The following SSH1 variants were observed in gnomAD, a reference collection of about 807,000 sequenced individuals.
SSH1 encodes the protein protein phosphatase Slingshot homolog 1.
Under a neutral mutation model 79.7 loss-of-function variants are expected in SSH1, and 43 were observed. The ratio of observed to expected loss-of-function variants is 0.54; its 90% CI spans 0.42 to 0.70. The LOEUF (loss-of-function observed/expected upper bound fraction) is 0.70. Among genes scored for constraint, SSH1 ranks in the 30% least tolerant of loss-of-function variants. SSH1 has a pLI of 0.00. For synonymous variants in SSH1, 599 were observed against 538.3 expected (o/e 1.11, Z -1.56); for missense variants, 1,206 against 1,358.8 (o/e 0.89, Z 1.77).
At position 108,840,648 on chromosome 12, in the gene SSH1, C is replaced by T. The variant is rs139454357; in HGVS notation, c.110+11990G>A. On this transcript the variant is annotated intron_variant, in intron 2 of 14. Transcript: ENST00000326495. ...AAGCAGCATGACCCATCTGGATGTCCTCCTCATCTCAGGAATTTTCTAATA... is the reference window on the plus strand; with the variant it reads ...AAGCAGCATGACCCATCTGGATGTCTTCCTCATCTCAGGAATTTTCTAATA... Among the ~76,000 whole-genome samples the T allele has an allele frequency of 7.2e-3, 1,094 of 152,312 alleles. 7 individuals are homozygous for T. The highest frequency in any genetic ancestry group is 0.011 in the Non-Finnish European group (740 of 68,034).
rs763054009 is a variant in SSH1, at chr12:108,792,841, G to C, written c.1350-12C>G. On this transcript the variant is annotated splice_polypyrimidine_tract_variant and intron_variant, in intron 13 of 14. Transcript: ENST00000326495. ...TGTGCCGCTGTTTGCTGCGGGGAGA[G>C]AGGGTAGAGGAAGGTGAGGGGAGGA... 49 of 1,612,766 alleles carry C rather than the reference G, an allele frequency of 3.0e-5. No homozygotes were observed. Among genetic ancestry groups the C allele is most frequent in the Non-Finnish European group, 4.2e-5 (49 of 1,180,026 alleles).
chr12:108,803,469 C>G (rs1309717744), intron 10 of SSH1, among the ~76,000 whole-genome samples: 1 of 140,750 alleles, frequency 7.1e-6, no homozygotes, highest in Non-Finnish European at 1.6e-5. Flanking sequence ...CTTGAAACTT[C>G]CTTTCCCAAG....
intron 2 of SSH1, among the ~76,000 whole-genome samples, chr12:108,841,810 C>A (rs1020895407): frequency 2.0e-5 from 3 of 147,398 alleles, no homozygotes; most frequent in African/African-American, 5.1e-5. Flanking sequence ...TCCATCCCCC[C>A]CCACAAAAAA....
At chr12:108,847,331 C>T (rs191459751) in intron 2 of SSH1, among the ~76,000 whole-genome samples, 2 of 152,358 alleles carry the variant, frequency 1.3e-5, no homozygotes, top group African/African-American at 4.8e-5. Context: ...GCCACCAGCA[C>T]AGGAGCCAGA....
chr12:108,788,072 CG>C lies in SSH1; in HGVS notation c.3065del (p.Pro1022ArgfsTer19). ...GTTTGGAGGTTGCAGCTGGGTCCCTCGGGGTTCCCTGGGGCTCATGCAAGAA... is the reference window on the plus strand; with the variant it reads ...GTTTGGAGGTTGCAGCTGGGTCCCTCGGGTTCCCTGGGGCTCATGCAAGAA... Reference protein sequence around the residue: ...SSFLHEPQGTPRDPAATSKPS... With the variant: ...SSFLHEPQGTXRDPAATSKPS... On this transcript the variant is annotated frameshift_variant, in exon 15 of 15. Transcript: ENST00000326495. LOFTEE classifies it low-confidence loss of function (END_TRUNC). The C allele has an allele frequency of 1.2e-6, 2 of 1,614,056 alleles. No individual in the cohort carries two copies. The highest frequency in any genetic ancestry group is 8.5e-7 in the Non-Finnish European group (1 of 1,180,010).
In SSH1 at chr12:108,779,828, T is replaced by A. The variant is rs2136923721; in HGVS notation, c.*8160A>T. 6.6e-6 allele frequency: 1 copy of A among 152,204 alleles called. No homozygotes were observed. Among genetic ancestry groups the A allele is most frequent in the East Asian group, 1.9e-4 (1 of 5,164 alleles). 9.4% of individuals were successfully genotyped at this position (152,204 alleles called of 1,614,324 possible). A position where few individuals can be genotyped will look rare whatever the true frequency, so the allele number is the denominator to read the frequency against. On this transcript the variant is annotated 3_prime_UTR_variant, in exon 15 of 15. Transcript: ENST00000326495. The stretch of plus-strand genomic sequence containing the variant: ...TAGCTGGGATTACAGGCGCCCGCCA[T>A]CATGCCCGGCTAATTTTTGTATTTT...
chr12:108,852,773 G>A, intron 1 of SSH1, 95 bp from the exon 2 acceptor site: 2 of 1,605,106 alleles, frequency 1.2e-6, no homozygotes, highest in Non-Finnish European at 1.7e-6. Context: ...ACTGGAAAAA[G>A]ATAAAGATAT....
chr12:108,815,146 A>G (rs1270655595), intron 5 of SSH1, among the ~76,000 whole-genome samples: 1 of 152,186 alleles, frequency 6.6e-6, no homozygotes, highest in Non-Finnish European at 1.5e-5. Flanking sequence ...AATGAGTGGC[A>G]TCTACTCATT....
At position 108,788,325 on chromosome 12, in the gene SSH1, C is replaced by T; in HGVS notation, c.2813G>A (p.Ser938Asn). ...MSSNLTRSSS[S>N]DSIHSVRGKP... ...CCCACGGACACTGTGGATGCTATCGCTGCTGGAGCTCCGGGTCAGGTTGGA... is the reference window on the plus strand; with the variant it reads ...CCCACGGACACTGTGGATGCTATCGTTGCTGGAGCTCCGGGTCAGGTTGGA... Residue 938 changes from serine (S) to asparagine (N), a missense_variant, in exon 15 of 15, where the codon AGC becomes AAC. Ser to Asn is a conservative substitution (Grantham distance 46). Around this residue, in one of 5 missense-constraint regions of SSH1, gnomAD observed 709 missense variants for 730.6 expected, o/e 0.97. Coordinates refer to ENST00000326495, the MANE Select transcript of SSH1 (RefSeq NM_018984.4). The T allele has an allele frequency of 6.2e-7, 1 of 1,613,322 alleles. No individual in the cohort carries two copies. The highest frequency in any genetic ancestry group is 8.5e-7 in the Non-Finnish European group (1 of 1,179,930).
In SSH1 at chr12:108,806,200, A is replaced by G. The variant is rs2037263370; in HGVS notation, c.825+101T>C. The stretch of plus-strand genomic sequence containing the variant: ...GGGGCTGATACCAGAGGACAGGTAA[A>G]GACAACCAGATGTTGGGCCTGCTTT... On this transcript the variant is annotated intron_variant, in intron 9 of 14. Transcript: ENST00000326495. 26 of 1,131,584 alleles carry G rather than the reference A, an allele frequency of 2.3e-5. No homozygotes were observed. The South Asian group carries it at 3.1e-4, about 13-fold the overall frequency. The allele number at this position is 1,131,584 out of a possible 1,614,324, so 70.1% of individuals were successfully genotyped here. A position where few individuals can be genotyped will look rare whatever the true frequency, so the allele number is the denominator to read the frequency against.
Position 108,807,763 on chromosome 12 carries a change from C to G in SSH1, c.601G>C (p.Gly201Arg). The change falls in exon 8 of 15, where the codon GGT (glycine) becomes CGT (arginine). Residue 201 changes from glycine (G) to arginine (R), a missense_variant. This residue lies in a region of SSH1 where 116 missense variants were observed against 109.0 expected (regional missense o/e 1.06). Transcript: ENST00000326495. This position sits in a 1 kb window ranked among gnomAD's most constrained non-coding sequence, Gnocchi z 5.2. Reference protein sequence around the residue: ...VARRHNYFPGGVALIWATYYE... With the variant: ...VARRHNYFPGRVALIWATYYE... ...TAGGTAGCCCAGATGAGAGCTACAC[C>G]CCCGGGGAAGTAGTTGTGCCTCCGG... The G allele has an allele frequency of 6.2e-7, 1 of 1,613,796 alleles. No homozygotes were observed. The highest frequency in any genetic ancestry group is 8.5e-7 in the Non-Finnish European group (1 of 1,179,886).
At chr12:108,809,826 G>T in intron 6 of SSH1, 68 bp from the exon 7 acceptor site, 2 of 1,376,916 alleles carry the variant, frequency 1.5e-6, no homozygotes, top group Non-Finnish European at 2.1e-6. Context: ...AAATCACTCT[G>T]GGAGGAGGGA....
chr12:108,829,570 A>G (rs1056187536), intron 2 of SSH1, among the ~76,000 whole-genome samples: 2 of 152,200 alleles, frequency 1.3e-5, no homozygotes, highest in Non-Finnish European at 2.9e-5. Context: ...AGGAATGGGT[A>G]TATGTGCTGG....
chr12:108,833,789 TATTTC>T (rs755333396), intron 2 of SSH1: 2 of 152,278 alleles, frequency 1.3e-5, no homozygotes, highest in African/African-American at 2.4e-5. Flanking sequence ...TTTGTCATTT[TATTTC>T]ATTTTAGTTA....
At chr12:108,836,531 A>G (rs887859836) in intron 2 of SSH1, among the ~76,000 whole-genome samples, 1 of 152,236 alleles carries the variant, frequency 6.6e-6, no homozygotes, top group African/African-American at 2.4e-5. Context: ...CACTGGCCCT[A>G]ACTGTCCACA....
intron 2 of SSH1, among the ~76,000 whole-genome samples, chr12:108,849,090 C>G (rs1437177946): frequency 1.3e-5 from 2 of 152,220 alleles, no homozygotes; most frequent in Non-Finnish European, 2.9e-5. Context: ...GGTCTCGCTT[C>G]AAATACAGGA....
At chr12:108,826,542 G>C (rs1347315890) in intron 2 of SSH1, 1 of 127,056 alleles carries the variant, frequency 7.9e-6, no homozygotes, top group Non-Finnish European at 1.6e-5. Flanking sequence ...CTCTCCGGGT[G>C]GGGGGTGGGG....
At chr12:108,830,405 T>C (rs933263869) in intron 2 of SSH1, among the ~76,000 whole-genome samples, 7 of 151,932 alleles carry the variant, frequency 4.6e-5, no homozygotes, top group Non-Finnish European at 7.4e-5. Context: ...TGAGTGGAGA[T>C]TGTGATCCTG....
intron 1 of SSH1, among the ~76,000 whole-genome samples, chr12:108,853,539 C>A (rs2039085738): frequency 6.6e-6 from 1 of 151,876 alleles, no homozygotes; most frequent in Admixed American, 6.6e-5. Flanking sequence ...GAGGCAGGAG[C>A]CAAGGGCGAA....
Sources: allele counts gnomAD v4.1 joint callset (sites outside exome capture counted in the v4.1 genomes callset), GRCh38; gene constraint gnomAD v4.1.1; regional missense constraint gnomAD v4.1.1; non-coding constraint Gnocchi (gnomAD v3.1); transcripts MANE v1.5; gene names NCBI Gene and HGNC (gene_info 2026-07-23, HGNC 2026-07-21).